The following C10orf90 variants were observed in gnomAD, a reference collection of about 807,000 sequenced individuals.
C10orf90 encodes the protein (E2-independent) E3 ubiquitin-conjugating enzyme FATS.
Under a neutral mutation model 62.5 loss-of-function variants are expected in C10orf90, and 56 were observed. The ratio of observed to expected loss-of-function variants is 0.90; its 90% confidence interval spans 0.72 to 1.12. The LOEUF is 1.12. C10orf90 is among the 50% of genes most tolerant of loss of function. The pLI is 0.00. For synonymous variants in C10orf90, 386 were observed against 340.4 expected (o/e 1.13, Z -1.47); for missense variants, 970 against 880.4 (o/e 1.10, Z -1.29).
intron 2 of C10orf90, among the ~76,000 whole-genome samples, chr10:126,558,898 G>C (rs1248469147): frequency 6.6e-6 from 1 of 152,222 alleles, no homozygotes; most frequent in African/African-American, 2.4e-5. Context: ...TGGATGGACT[G>C]AATCAGGCTG....
chr10:126,464,636 C>T (rs1439494801), intron 5 of C10orf90, 60 bp downstream of exon 5: 2 of 1,530,842 alleles, frequency 1.3e-6, no homozygotes, highest in African/African-American at 2.8e-5. Context: ...GGTAGGCAAT[C>T]AACAAATTTT....
intron 7 of C10orf90, among the ~76,000 whole-genome samples, chr10:126,439,864 G>A (rs1858188355): frequency 6.6e-6 from 1 of 152,132 alleles, no homozygotes; most frequent in African/African-American, 2.4e-5. Flanking sequence ...GAAGGGCCAA[G>A]CAAAATACAG....
chr10:126,641,592 A>T (rs1846060441), intron 2 of C10orf90, among the ~76,000 whole-genome samples: 1 of 152,060 alleles, frequency 6.6e-6, no homozygotes, highest in Non-Finnish European at 1.5e-5. Context: ...AAATGGCTGA[A>T]CTAGACACCT....
intron 1 of C10orf90, among the ~76,000 whole-genome samples, chr10:126,647,416 G>A (rs1019503263): frequency 3.3e-5 from 5 of 152,314 alleles, no homozygotes; most frequent in East Asian, 3.9e-4. Context: ...TCCCAGTCCC[G>A]AAGCTGAGTT....
At chr10:126,429,613 G>T (rs1210032056) in intron 8 of C10orf90, among the ~76,000 whole-genome samples, 174 bp downstream of exon 8, 1 of 152,102 alleles carries the variant, frequency 6.6e-6, no homozygotes, top group Non-Finnish European at 1.5e-5. Context: ...ACATTCAAAA[G>T]CACATTTCAA....
intron 4 of C10orf90, among the ~76,000 whole-genome samples, chr10:126,488,016 A>G (rs1861531622): frequency 6.6e-6 from 1 of 152,130 alleles, no homozygotes; most frequent in Non-Finnish European, 1.5e-5. Flanking sequence ...AAATAATAGA[A>G]ATAAAGAGTA....
At chr10:126,474,943 G>A (rs562752391) in intron 4 of C10orf90, among the ~76,000 whole-genome samples, 2 of 152,346 alleles carry the variant, frequency 1.3e-5, no homozygotes, top group African/African-American at 2.4e-5. Context: ...ATCTAAGGAC[G>A]AGGGGTGAGG....
At chr10:126,633,281 A>G (rs1324705757) in intron 2 of C10orf90, among the ~76,000 whole-genome samples, 1 of 152,250 alleles carries the variant, frequency 6.6e-6, no homozygotes, top group East Asian at 1.9e-4. Flanking sequence ...AGGACATCCC[A>G]GGGCCACATG....
intron 6 of C10orf90, among the ~76,000 whole-genome samples, chr10:126,460,807 A>C (rs1054058216): frequency 2.0e-5 from 3 of 152,218 alleles, no homozygotes; most frequent in Non-Finnish European, 2.9e-5. Context: ...AGTGCCTTCC[A>C]AGAAGGTGTG....
chr10:126,559,345 A>C (rs908758492), intron 2 of C10orf90, among the ~76,000 whole-genome samples: 3 of 152,214 alleles, frequency 2.0e-5, no homozygotes, highest in African/African-American at 7.2e-5. Context: ...TTCTCCTTAC[A>C]TCAGCGGGCC....
At chr10:126,584,704 T>A (rs183739871) in intron 2 of C10orf90, among the ~76,000 whole-genome samples, 122 of 152,280 alleles carry the variant, frequency 8.0e-4, no homozygotes, top group Non-Finnish European at 1.6e-3. Context: ...TCCCACTGAT[T>A]TGAGAGGAGC....
intron 2 of C10orf90, among the ~76,000 whole-genome samples, chr10:126,570,168 A>C (rs570084025): frequency 6.6e-6 from 1 of 152,312 alleles, no homozygotes; most frequent in South Asian, 2.1e-4. Context: ...ATGCTGCACT[A>C]TCTCTCTGCC....
At chr10:126,563,018 G>A (rs1047899467) in intron 2 of C10orf90, among the ~76,000 whole-genome samples, 1 of 152,200 alleles carries the variant, frequency 6.6e-6, no homozygotes, top group Non-Finnish European at 1.5e-5. Flanking sequence ...CTGTGCAGGT[G>A]ACATCACACA....
In C10orf90 at chr10:126,642,338, C is replaced by T. The variant is rs558936784; in HGVS notation, c.313+4227G>A. 3.3e-5 allele frequency among the ~76,000 whole-genome samples: 5 copies of T among 152,134 alleles called. No individual in the cohort carries two copies. The South Asian group carries it at 6.2e-4, about 19-fold the overall frequency. ...ACGAGGTCGGGAGATCGAGACCATC[C>T]TGGCTAACATGGTGAAACCCCGTCT... On this transcript the variant is annotated intron_variant, in intron 2 of 9. Coordinates refer to ENST00000488181, the MANE Select transcript of C10orf90 (RefSeq NM_001350921.2).
intron 7 of C10orf90, among the ~76,000 whole-genome samples, chr10:126,433,178 T>C (rs1857693102): frequency 6.6e-6 from 1 of 152,062 alleles, no homozygotes; most frequent in African/African-American, 2.4e-5. Flanking sequence ...AGGCTTTGGG[T>C]TTAAGCAAAC....
intron 3 of C10orf90, among the ~76,000 whole-genome samples, chr10:126,505,463 G>A (rs991681330): frequency 3.3e-5 from 5 of 152,206 alleles, no homozygotes; most frequent in African/African-American, 4.8e-5. Context: ...TTCTGGAGGT[G>A]GCTGGAACTT....
At chr10:126,623,360 A>G (rs999132176) in intron 2 of C10orf90, among the ~76,000 whole-genome samples, 1 of 152,110 alleles carries the variant, frequency 6.6e-6, no homozygotes, top group Admixed American at 6.5e-5. Context: ...AAATTTCGGC[A>G]TATCTCACTT....
rs1861069728 is a variant in C10orf90, at chr10:126,479,649, A to G, written c.1535-14663T>C. Among the ~76,000 whole-genome samples, 4 of 152,178 alleles carry G rather than the reference A, an allele frequency of 2.6e-5. No individual in the cohort carries two copies. In the South Asian group the frequency reaches 8.3e-4, roughly 32 times the overall value. ...TACAGGCCTGCTGTTATTTATACACATGGGGGTTATTCTTTTCCTCCATGA... is the reference window on the plus strand; with the variant it reads ...TACAGGCCTGCTGTTATTTATACACGTGGGGGTTATTCTTTTCCTCCATGA... On this transcript the variant is annotated intron_variant, in intron 4 of 9. Coordinates refer to ENST00000488181, the MANE Select transcript of C10orf90 (RefSeq NM_001350921.2).
rs1178379861 is a variant in C10orf90, at chr10:126,456,268, C to A, written c.2188+2772G>T. 2.0e-5 allele frequency among the ~76,000 whole-genome samples: 3 copies of A among 152,160 alleles called. No homozygotes were observed. Among genetic ancestry groups the A allele is most frequent in the Non-Finnish European group, 4.4e-5 (3 of 68,036 alleles). On this transcript the variant is annotated intron_variant, in intron 7 of 9. Transcript: ENST00000488181. This position sits in a 1 kb window ranked among gnomAD's most constrained non-coding sequence, Gnocchi z 4.9. ...ATGAGGCTCTGGTTTCAGAGGCTGT[C>A]TGATTTCACTGACCTAACACAAACG...
Sources: allele counts gnomAD v4.1 joint callset (sites outside exome capture counted in the v4.1 genomes callset), GRCh38; gene constraint gnomAD v4.1.1; non-coding constraint Gnocchi (gnomAD v3.1); transcripts MANE v1.5; gene names NCBI Gene and HGNC (gene_info 2026-07-23, HGNC 2026-07-21).